PRKG1: variants seen among roughly 807,000 people sequenced by gnomAD.
PRKG1 encodes cGMP-dependent protein kinase 1.
A neutral mutation model predicts 88.1 loss-of-function variants in PRKG1; 35 were observed. The ratio of observed to expected loss-of-function variants is 0.40; its 90% CI spans 0.30 to 0.53. The LOEUF (loss-of-function observed/expected upper bound fraction) is 0.53. Ranked by LOEUF, PRKG1 falls within the 20% of genes least tolerant of loss-of-function variation. PRKG1 has a pLI of 0.59. For synonymous variants in PRKG1, 303 were observed against 292.5 expected (o/e 1.04, Z -0.37); for missense variants, 540 against 839.8 (o/e 0.64, Z 4.41).
Position 52,034,754 on chromosome 10 carries a change from A to G in PRKG1, c.763-19730A>G, listed in dbSNP as rs1164932562. ...GAGAATGGTGAATAGGAGTATGACT[A>G]GACAGAAGATAGTAGGGATGACAAG... is the stretch of plus-strand genomic sequence containing the variant. On this transcript the variant is annotated intron_variant, in intron 5 of 17. Coordinates refer to ENST00000373980, the MANE Select transcript of PRKG1 (RefSeq NM_006258.4). 2.0e-5 allele frequency among the ~76,000 whole-genome samples: 3 copies of G among 152,084 alleles called. No individual in the cohort carries two copies. In the South Asian group the frequency reaches 6.2e-4, roughly 32 times the overall value.
At chr10:51,586,033 A>G (rs1044765781) in intron 3 of PRKG1, among the ~76,000 whole-genome samples, 1 of 152,136 alleles carries the variant, frequency 6.6e-6, no homozygotes, top group Non-Finnish European at 1.5e-5. Context: ...TACTATGCTC[A>G]CTAGCTGGGT....
At chr10:51,925,255 G>A (rs59198237) in intron 5 of PRKG1, among the ~76,000 whole-genome samples, 2,426 of 151,812 alleles carry the variant, frequency 0.016, 66 homozygotes, top group African/African-American at 0.056. Flanking sequence ...TGTTGTAGCT[G>A]TAGTGTCAGG....
At chr10:51,775,531 TCTC>T (rs1364307709) in intron 3 of PRKG1, among the ~76,000 whole-genome samples, 1 of 151,962 alleles carries the variant, frequency 6.6e-6, no homozygotes, top group African/African-American at 2.4e-5. Context: ...GGAAGCGCCT[TCTC>T]CTTTCATATT....
chr10:51,425,056 G>T (rs555905379), intron 2 of PRKG1, among the ~76,000 whole-genome samples: 1 of 151,178 alleles, frequency 6.6e-6, no homozygotes, highest in South Asian at 2.1e-4. Flanking sequence ...TATACCATTT[G>T]TCCTGGCCCC....
At chr10:52,096,277 G>C (rs1411226313) in intron 7 of PRKG1, among the ~76,000 whole-genome samples, 1 of 152,136 alleles carries the variant, frequency 6.6e-6, no homozygotes, top group Non-Finnish European at 1.5e-5. Flanking sequence ...TAAACATCTA[G>C]GCACTTTTAT....
intron 3 of PRKG1, among the ~76,000 whole-genome samples, chr10:51,624,241 G>A (rs928120267): frequency 1.3e-5 from 2 of 152,152 alleles, no homozygotes; most frequent in African/African-American, 2.4e-5. Flanking sequence ...ACAAATACAT[G>A]CTTGCTAGAC....
intron 9 of PRKG1, among the ~76,000 whole-genome samples, chr10:52,180,127 T>G (rs999658244): frequency 6.6e-6 from 1 of 152,216 alleles, no homozygotes; most frequent in Admixed American, 6.5e-5. Context: ...TTTTCCTCTC[T>G]TTGTCTGCCT....
intron 2 of PRKG1, among the ~76,000 whole-genome samples, chr10:51,229,452 A>T (rs994416400): frequency 2.6e-5 from 4 of 152,176 alleles, no homozygotes; most frequent in Non-Finnish European, 5.9e-5. Context: ...AGTCACTTTA[A>T]GGTTTTAAGA....
intron 5 of PRKG1, among the ~76,000 whole-genome samples, chr10:51,965,711 A>G (rs1393994561): frequency 1.3e-5 from 2 of 152,314 alleles, no homozygotes; most frequent in Admixed American, 6.5e-5. Context: ...TATCTGGATG[A>G]AAGTATTTAC....
intron 5 of PRKG1, among the ~76,000 whole-genome samples, chr10:51,950,761 G>A (rs1209227031): frequency 6.6e-6 from 1 of 152,260 alleles, no homozygotes; most frequent in Non-Finnish European, 1.5e-5. Flanking sequence ...GCCCTTCACT[G>A]GCAAGGGCAA....
At chr10:51,038,896 T>C (rs775895091) in intron 1 of PRKG1, among the ~76,000 whole-genome samples, 10 of 152,230 alleles carry the variant, frequency 6.6e-5, no homozygotes, top group Non-Finnish European at 1.0e-4. Context: ...ATACACCTAC[T>C]GTGTACCCAC....
At chr10:51,952,433 G>T (rs1843206549) in intron 5 of PRKG1, among the ~76,000 whole-genome samples, 1 of 152,118 alleles carries the variant, frequency 6.6e-6, no homozygotes, top group South Asian at 2.1e-4. Flanking sequence ...GGGGACTTTA[G>T]GCTCTTTTGG....
chr10:52,003,161 C>T (rs2454539), intron 5 of PRKG1, among the ~76,000 whole-genome samples: 61,280 of 151,958 alleles, frequency 0.4, 12,599 homozygotes, highest in Middle Eastern at 0.45. Flanking sequence ...GAGTGAAGGA[C>T]AGTGCTACTT....
intron 1 of PRKG1, among the ~76,000 whole-genome samples, chr10:51,150,932 G>A (rs150109902): frequency 2.6e-5 from 4 of 151,952 alleles, no homozygotes; most frequent in Non-Finnish European, 2.9e-5. Context: ...TTTGGATGGC[G>A]CTAATTATAA....
intron 3 of PRKG1, among the ~76,000 whole-genome samples, chr10:51,788,813 C>T (rs565446476): frequency 6.6e-5 from 10 of 152,272 alleles, no homozygotes; most frequent in African/African-American, 2.4e-4. Context: ...CAACAGTGAG[C>T]TCTGCAGGAG....
intron 4 of PRKG1, among the ~76,000 whole-genome samples, chr10:51,878,363 T>C (rs1841353246): frequency 6.6e-6 from 1 of 152,116 alleles, no homozygotes; most frequent in Non-Finnish European, 1.5e-5. Context: ...AAGTTTGCTT[T>C]GATGTGTCAG....
chr10:51,393,734 G>A (rs1033660351), intron 2 of PRKG1, among the ~76,000 whole-genome samples: 9 of 152,082 alleles, frequency 5.9e-5, no homozygotes, highest in Admixed American at 5.2e-4. Context: ...CTACTATCAC[G>A]TAGGTATAGC....
chr10:51,858,526 C>T (rs1451766470), intron 4 of PRKG1, among the ~76,000 whole-genome samples: 1 of 140,678 alleles, frequency 7.1e-6, no homozygotes, highest in Admixed American at 7.9e-5. Flanking sequence ...TCTTGAATTC[C>T]TAGCCATTCA....
chr10:51,049,536 T>A (rs1277874619), intron 1 of PRKG1, among the ~76,000 whole-genome samples: 1 of 152,210 alleles, frequency 6.6e-6, no homozygotes, highest in Non-Finnish European at 1.5e-5. Flanking sequence ...CCTGTATAGC[T>A]TGTTTAACTT....
Sources: allele counts gnomAD v4.1 joint callset (sites outside exome capture counted in the v4.1 genomes callset), GRCh38; gene constraint gnomAD v4.1.1; transcripts MANE v1.5; gene names NCBI Gene and HGNC (gene_info 2026-07-23, HGNC 2026-07-21).